Variants in FUT8 observed in about 807,000 individuals in gnomAD.
FUT8 encodes the protein fucosyltransferase 8, also known as alpha-(1,6)-fucosyltransferase.
A neutral mutation model predicts 71.3 loss-of-function variants in FUT8; 29 were observed. The ratio of observed to expected loss-of-function variants is 0.41; its 90% CI spans 0.30 to 0.55. The LOEUF (loss-of-function observed/expected upper bound fraction) is 0.55. Ranked by LOEUF, FUT8 falls within the 20% of genes least tolerant of loss-of-function variation. FUT8 has a pLI of 0.34. For missense variants in FUT8, 544 were observed against 702.1 expected (o/e 0.77, Z 2.55); for synonymous variants, 254 against 239.3 (o/e 1.06, Z -0.57).
chr14:65,693,549 G>C (rs1893828022), intron 7 of FUT8, among the ~76,000 whole-genome samples: 2 of 152,096 alleles, frequency 1.3e-5, no homozygotes, highest in Admixed American at 6.5e-5. Flanking sequence ...AGAGAGGGAG[G>C]GGGAGAGGGA....
At chr14:65,470,345 T>C (rs1045961956) in intron 2 of FUT8, among the ~76,000 whole-genome samples, 3 of 151,940 alleles carry the variant, frequency 2.0e-5, no homozygotes, top group Admixed American at 2.0e-4. Flanking sequence ...CTGTATGGGG[T>C]TGGGGGACAG....
the FUT8 span, among the ~76,000 whole-genome samples, chr14:65,360,846 A>C: frequency 2.8e-4 from 43 of 152,334 alleles, no homozygotes; most frequent in Admixed American, 2.4e-3. Context: ...TGAGTTCACA[A>C]CTTAGTGAAC....
chr14:65,613,093 T>TGTA (rs1470947498), intron 3 of FUT8, among the ~76,000 whole-genome samples: 2 of 152,290 alleles, frequency 1.3e-5, no homozygotes, highest in African/African-American at 4.8e-5. Context: ...TATGGATTAC[T>TGTA]AATTCCATTA....
chr14:65,532,307 A>T (rs140174210), intron 2 of FUT8, among the ~76,000 whole-genome samples: 183 of 152,272 alleles, frequency 1.2e-3, no homozygotes, highest in Non-Finnish European at 2.1e-3. Flanking sequence ...TTTTAATAAT[A>T]GCCATTCTGA....
intron 7 of FUT8, among the ~76,000 whole-genome samples, chr14:65,677,112 A>ATT (rs1566890163): frequency 8.6e-4 from 66 of 77,156 alleles, no homozygotes; most frequent in Admixed American, 1.2e-3. Context: ...AGAAAGACAT[A>ATT]TTTGTGTGTG....
the FUT8 span, among the ~76,000 whole-genome samples, chr14:65,373,574 G>A: frequency 4.6e-5 from 7 of 151,956 alleles, no homozygotes; most frequent in African/African-American, 1.7e-4. Context: ...TGCTCGCCCC[G>A]GCTCCTGCAT....
intron 2 of FUT8, among the ~76,000 whole-genome samples, chr14:65,522,680 G>C (rs555837122): frequency 6.6e-6 from 1 of 151,756 alleles, no homozygotes; most frequent in African/African-American, 2.4e-5. Flanking sequence ...CCATTAACTC[G>C]TCATTTATAT....
At chr14:65,738,634 G>A (rs1161790200) in intron 10 of FUT8, among the ~76,000 whole-genome samples, 2 of 152,028 alleles carry the variant, frequency 1.3e-5, no homozygotes, top group Non-Finnish European at 2.9e-5. Flanking sequence ...GAGTATGGAC[G>A]TCAGCTGCAA....
chr14:65,439,954 G>GTGTGTGTATATATATATATATATA, intron 1 of FUT8, among the ~76,000 whole-genome samples: 7 of 74,968 alleles, frequency 9.3e-5, no homozygotes, highest in South Asian at 5.9e-4. Context: ...GTGTGTGTGT[G>GTGTGTGTATATATATATATATATA]TATATATATA....
At chr14:65,677,959 T>C (rs1892850187) in intron 7 of FUT8, among the ~76,000 whole-genome samples, 1 of 152,186 alleles carries the variant, frequency 6.6e-6, no homozygotes, top group African/African-American at 2.4e-5. Flanking sequence ...AAGAACATCA[T>C]TTACCAGGAC....
At chr14:65,473,087 T>A (rs2066174142) in intron 2 of FUT8, among the ~76,000 whole-genome samples, 2 of 152,170 alleles carry the variant, frequency 1.3e-5, no homozygotes, top group South Asian at 4.1e-4. Flanking sequence ...CTTTTAGTCC[T>A]TTTTCATACA....
intron 3 of FUT8, among the ~76,000 whole-genome samples, chr14:65,589,690 C>T (rs6573617): frequency 0.66 from 99,493 of 151,786 alleles, 32,752 homozygotes; most frequent in East Asian, 0.72. Flanking sequence ...GTGATCTGCC[C>T]GCCTCGGCCT....
chr14:65,503,925 CA>C, intron 2 of FUT8, among the ~76,000 whole-genome samples: 1 of 152,194 alleles, frequency 6.6e-6, no homozygotes, highest in East Asian at 1.9e-4. Flanking sequence ...TGCGTGAACA[CA>C]AATGTTCATA....
upstream of FUT8, among the ~76,000 whole-genome samples, chr14:65,406,441 A>G (rs920644294): frequency 6.6e-6 from 1 of 152,216 alleles, no homozygotes; most frequent in African/African-American, 2.4e-5. Flanking sequence ...TTGCAAGTCA[A>G]CCGCAAGGAG....
At chr14:65,514,803 C>T (rs11845338) in intron 2 of FUT8, among the ~76,000 whole-genome samples, 41 of 151,912 alleles carry the variant, frequency 2.7e-4, no homozygotes, top group African/African-American at 9.7e-4. Context: ...TGCGCTGCAC[C>T]CACTAACTGG....
the FUT8 span, among the ~76,000 whole-genome samples, chr14:65,380,106 G>A: frequency 0.13 from 19,104 of 152,210 alleles, 1,599 homozygotes; most frequent in East Asian, 0.47. Flanking sequence ...AGACATACAC[G>A]AGACTGGGAA....
At chr14:65,679,400 AAT>A (rs1892927514) in intron 7 of FUT8, among the ~76,000 whole-genome samples, 2 of 152,224 alleles carry the variant, frequency 1.3e-5, no homozygotes, top group African/African-American at 4.8e-5. Context: ...TTGAATTCAG[AAT>A]ATGTTATCTA....
At chr14:65,698,411 A>G (rs1894104543) in intron 7 of FUT8, among the ~76,000 whole-genome samples, 1 of 152,236 alleles carries the variant, frequency 6.6e-6, no homozygotes, top group Admixed American at 6.5e-5. Flanking sequence ...GGTAGTATAT[A>G]TTTATGAAAT....
At chr14:65,601,998 G>A (rs954592905) in intron 3 of FUT8, among the ~76,000 whole-genome samples, 3 of 151,196 alleles carry the variant, frequency 2.0e-5, no homozygotes, top group East Asian at 3.9e-4. Flanking sequence ...TTTTATATCC[G>A]TAAGTTTTTG....
Sources: gnomAD v4.1 joint callset for allele counts (sites outside exome capture counted in the v4.1 genomes callset) on GRCh38, gnomAD v4.1.1 for gene constraint, MANE v1.5 for transcripts, NCBI Gene and HGNC (gene_info 2026-07-23, HGNC 2026-07-21) for gene names.